IL21R: variants seen among roughly 807,000 people sequenced by gnomAD.
IL21R encodes interleukin-21 receptor.
In IL21R, 14 loss-of-function variants were observed where a neutral mutation model predicts 41.3. The observed-to-expected ratio is 0.34, with a 90% CI of 0.22 to 0.53. The LOEUF is 0.53. IL21R is among the 20% of genes least tolerant of loss of function. The pLI, the probability that IL21R is intolerant of heterozygous loss-of-function variation, is 0.94. For synonymous variants in IL21R, 286 were observed against 287.6 expected (o/e 0.99, Z 0.05); for missense variants, 588 against 681.6 (o/e 0.86, Z 1.53).
In IL21R at chr16:27,451,623, G is replaced by C; in HGVS notation, c.*2340G>C. 1 of 216,926 alleles carries C rather than the reference G, an allele frequency of 4.6e-6. No homozygotes were observed. Among genetic ancestry groups the C allele is most frequent in the South Asian group, 1.9e-4 (1 of 5,378 alleles). 13.4% of individuals were successfully genotyped at this position (216,926 alleles called of 1,614,324 possible). A position where few individuals can be genotyped will look rare whatever the true frequency, so the allele number is the denominator to read the frequency against. On this transcript the variant is annotated 3_prime_UTR_variant, in exon 9 of 9. Transcript: ENST00000337929. ...AGTCCCAGCTACTCGGGAGGCTAAG[G>C]TGGGAGGATCGCTGGAGCCCAGGAA...
chr16:27,445,167 T>C lies in IL21R; in HGVS notation c.686-10T>C, dbSNP rs1400992592. 3 of 1,601,624 alleles carry C rather than the reference T, an allele frequency of 1.9e-6. No individual in the cohort carries two copies. Among genetic ancestry groups the C allele is most frequent in the Non-Finnish European group, 1.7e-6 (2 of 1,168,994 alleles). Reference sequence around the variant, plus strand: ...GGTGCCATTTAACCCTTTCTTTGCTTCCTTCCCAGAGTTAAAGGAAGGCTG... The same window carrying C: ...GGTGCCATTTAACCCTTTCTTTGCTCCCTTCCCAGAGTTAAAGGAAGGCTG... On this transcript the variant is annotated splice_polypyrimidine_tract_variant and intron_variant, in intron 6 of 8. Coordinates refer to ENST00000337929, the MANE Select transcript of IL21R (RefSeq NM_181078.3).
chr16:27,421,490 A>G (rs1014090322), intron 1 of IL21R, among the ~76,000 whole-genome samples: 16 of 152,032 alleles, frequency 1.1e-4, no homozygotes, highest in Non-Finnish European at 2.4e-4. Flanking sequence ...TCTATAATTT[A>G]TTTCAATAAC....
At chr16:27,423,729 A>G (rs2087032794) in intron 1 of IL21R, among the ~76,000 whole-genome samples, 6 of 152,172 alleles carry the variant, frequency 3.9e-5, no homozygotes, top group Admixed American at 3.9e-4. Context: ...GAGTGACAGT[A>G]TTGCGATTTA....
chr16:27,411,147 T>C (rs981968296), intron 1 of IL21R, among the ~76,000 whole-genome samples: 14 of 152,218 alleles, frequency 9.2e-5, no homozygotes, highest in African/African-American at 3.4e-4. Flanking sequence ...CTCTTTGAGA[T>C]GCTGTTTTTA....
At chr16:27,441,202 G>A (rs2087383562) in intron 4 of IL21R, among the ~76,000 whole-genome samples, 1 of 152,212 alleles carries the variant, frequency 6.6e-6, no homozygotes, top group Non-Finnish European at 1.5e-5. Context: ...ATAGACACTT[G>A]TCACTCAGTT....
chr16:27,426,736 A>G (rs1237918796), intron 1 of IL21R, among the ~76,000 whole-genome samples: 5 of 152,236 alleles, frequency 3.3e-5, no homozygotes, highest in African/African-American at 1.2e-4. Flanking sequence ...CAGAGATGGT[A>G]ACTGAGTTCA....
At position 27,449,615 on chromosome 16, in the gene IL21R, G is replaced by A; in HGVS notation, c.*332G>A. 1 of 375,560 alleles carries A rather than the reference G, an allele frequency of 2.7e-6. No homozygotes were observed. The highest frequency in any genetic ancestry group is 4.8e-6 in the Non-Finnish European group (1 of 206,964). The allele number at this position is 375,560 out of a possible 1,614,324, so 23.3% of individuals were successfully genotyped here. On this transcript the variant is annotated 3_prime_UTR_variant, in exon 9 of 9. Coordinates refer to ENST00000337929, the MANE Select transcript of IL21R (RefSeq NM_181078.3). ...ACGGAGCTCACCCATGTGCACAAGT[G>A]TGCACAGTAAACGTGTTTGTGGTCA... is the stretch of plus-strand genomic sequence containing the variant.
intron 2 of IL21R, among the ~76,000 whole-genome samples, chr16:27,433,139 A>G (rs181571652): frequency 6.6e-6 from 1 of 152,288 alleles, no homozygotes; most frequent in East Asian, 1.9e-4. Context: ...TCCAGGGAAA[A>G]TAGGAAAAAG....
At chr16:27,428,234 C>T (rs1424698887) in intron 1 of IL21R, among the ~76,000 whole-genome samples, 1 of 152,232 alleles carries the variant, frequency 6.6e-6, no homozygotes, top group Non-Finnish European at 1.5e-5. Context: ...TTCCACTTTA[C>T]AAGGCTCAGA....
At chr16:27,411,454 CTTTTTTTTTTTTT>C (rs59761925) in intron 1 of IL21R, among the ~76,000 whole-genome samples, 2 of 58,052 alleles carry the variant, frequency 3.4e-5, no homozygotes, top group Non-Finnish European at 5.9e-5. Context: ...GTCCTTTGTC[CTTTTTTTTTTTTT>C]TTTTTTTTTT....
intron 1 of IL21R, among the ~76,000 whole-genome samples, chr16:27,416,860 T>C (rs892700320): frequency 2.6e-5 from 4 of 152,210 alleles, no homozygotes; most frequent in Admixed American, 2.0e-4. Flanking sequence ...TTCATACATA[T>C]GGAGTCATAC....
In IL21R at chr16:27,402,337, C is replaced by A; in HGVS notation, c.-298C>A. 1 of 152,622 alleles carries A rather than the reference C, an allele frequency of 6.6e-6. No individual in the cohort carries two copies. Among genetic ancestry groups the A allele is most frequent in the Non-Finnish European group, 1.5e-5 (1 of 68,266 alleles). The allele number at this position is 152,622 out of a possible 1,614,324, so 9.5% of individuals were successfully genotyped here. On this transcript the variant is annotated 5_prime_UTR_variant, in exon 1 of 9. In the 5' UTR this introduces an upstream ATG that the reference lacks. Coordinates refer to ENST00000337929, the MANE Select transcript of IL21R (RefSeq NM_181078.3). Reference sequence around the variant, plus strand: ...CTGTCTGTCTGCGGCCCGTGCATCCCTGCTGCGGCCGCCTGGTACCTTCCT... The same window carrying A: ...CTGTCTGTCTGCGGCCCGTGCATCCATGCTGCGGCCGCCTGGTACCTTCCT...
intron 8 of IL21R, 99 bp from the exon 9 acceptor site, chr16:27,448,435 G>A (rs55754019): frequency 1.6e-6 from 2 of 1,273,350 alleles, no homozygotes; most frequent in South Asian, 1.6e-5. Context: ...AGCCTGGGCA[G>A]CAGAGCCAGA....
chr16:27,430,075 C>A lies in IL21R; in HGVS notation c.4C>A (p.Pro2Thr), dbSNP rs1404188254. The A allele has an allele frequency of 8.7e-6, 14 of 1,606,336 alleles. No homozygotes were observed. The highest frequency in any genetic ancestry group is 1.2e-5 in the Non-Finnish European group (14 of 1,179,794). M[P>T]RGWAAPLLLL... Reference sequence around the variant, plus strand: ...TTGCAGGCCCGTGGGAGTCAGCATGCCGCGTGGCTGGGCCGCCCCCTTGCT... The same window carrying A: ...TTGCAGGCCCGTGGGAGTCAGCATGACGCGTGGCTGGGCCGCCCCCTTGCT... The change falls in exon 2 of 9, where the codon CCG (proline) becomes ACG (threonine). Residue 2 changes from proline to threonine, a missense_variant. Transcript: ENST00000337929.
intron 1 of IL21R, among the ~76,000 whole-genome samples, chr16:27,413,400 A>C (rs1446612242): frequency 6.6e-6 from 1 of 152,020 alleles, no homozygotes; most frequent in Non-Finnish European, 1.5e-5. Context: ...ATTCATCAAG[A>C]GTACTGGTCT....
chr16:27,446,151 C>T, intron 8 of IL21R, 63 bp downstream of exon 8: 1 of 1,380,904 alleles, frequency 7.2e-7, no homozygotes. Context: ...AGCCCCACCT[C>T]CCCTCACCCC....
At chr16:27,431,451 G>A (rs182890253) in intron 2 of IL21R, among the ~76,000 whole-genome samples, 3 of 152,308 alleles carry the variant, frequency 2.0e-5, no homozygotes, top group Non-Finnish European at 4.4e-5. Context: ...AGAGACAGGT[G>A]CATGGCCACA....
In IL21R at chr16:27,444,543, G is replaced by A. The variant is rs754883300; in HGVS notation, c.509G>A (p.Ser170Asn). ...TGCATCCTTTCCTTGTACTGGCAGAGTCCGAGGAGAAAGCTGATCTCAGTG... is the reference window on the plus strand; with the variant it reads ...TGCATCCTTTCCTTGTACTGGCAGAATCCGAGGAGAAAGCTGATCTCAGTG... ...YRNRGDPWAV[S>N]PRRKLISVDS... The change falls in exon 6 of 9, where the codon AGT becomes AAT. Residue 170 changes from serine to asparagine, a missense_variant and splice_region_variant. Physicochemically the swap from Ser to Asn is conservative, Grantham distance 46 (BLOSUM62 1). Coordinates refer to ENST00000337929, the MANE Select transcript of IL21R (RefSeq NM_181078.3). 5 of 1,501,644 alleles carry A rather than the reference G, an allele frequency of 3.3e-6. No individual in the cohort carries two copies. Among genetic ancestry groups the A allele is most frequent in the Admixed American group, 4.3e-5 (2 of 46,142 alleles). The allele number at this position is 1,501,644 out of a possible 1,614,324, so 93.0% of individuals were successfully genotyped here.
chr16:27,441,403 C>T (rs3093358), intron 4 of IL21R, among the ~76,000 whole-genome samples: 1,541 of 152,288 alleles, frequency 0.01, 33 homozygotes, highest in African/African-American at 0.035. Flanking sequence ...ACCTGGAGGC[C>T]GCCCATGAAA....
Sources: allele counts gnomAD v4.1 joint callset (sites outside exome capture counted in the v4.1 genomes callset), GRCh38; gene constraint gnomAD v4.1.1; transcripts MANE v1.5; gene names NCBI Gene and HGNC (gene_info 2026-07-23, HGNC 2026-07-21).